The following CSMD1 variants were observed in gnomAD, a reference collection of about 807,000 sequenced individuals.
CSMD1 encodes the protein CUB and Sushi multiple domains 1.
A neutral mutation model predicts 417.5 loss-of-function variants in CSMD1; 213 were observed. That is an observed-to-expected ratio of 0.51 (90% CI 0.46 to 0.57). The LOEUF is 0.57. Among genes scored for constraint, CSMD1 ranks in the 20% least tolerant of loss-of-function variants. The pLI, the probability that CSMD1 is intolerant of heterozygous loss-of-function variation, is 0.00. For missense variants in CSMD1, 6,923 were observed against 4,529.7 expected, an observed-to-expected ratio of 1.53 and a Z score of -15.17; for synonymous variants, 2,862 against 1,736.8, an observed-to-expected ratio of 1.65 and a Z score of -16.11.
At chr8:4,678,854 C>G (rs1170311116) in intron 1 of CSMD1, among the ~76,000 whole-genome samples, 1 of 152,100 alleles carries the variant, frequency 6.6e-6, no homozygotes, top group African/African-American at 2.4e-5. Flanking sequence ...CAGTCACTGC[C>G]CAGTAACTGA....
At chr8:3,472,529 C>A (rs1482518159) in intron 11 of CSMD1, among the ~76,000 whole-genome samples, 2 of 152,146 alleles carry the variant, frequency 1.3e-5, no homozygotes, top group Admixed American at 1.3e-4. Flanking sequence ...CATCCACTCT[C>A]TATCTTCCTG....
chr8:3,849,600 G>C (rs1431307837), intron 5 of CSMD1, among the ~76,000 whole-genome samples: 2 of 152,182 alleles, frequency 1.3e-5, no homozygotes, highest in Non-Finnish European at 1.5e-5. Context: ...GAAAAGAACA[G>C]TGATTCCTGG....
At chr8:3,262,184 AATATATATATATATATATATAT>A (rs201972449) in intron 26 of CSMD1, among the ~76,000 whole-genome samples, 11,823 of 63,174 alleles carry the variant, frequency 0.19, 952 homozygotes, top group Non-Finnish European at 0.24. Context: ...TGCTCATATG[AATATATATATATATATATATAT>A]ATATATATAT....
intron 12 of CSMD1, among the ~76,000 whole-genome samples, chr8:3,452,384 T>G (rs189031334): frequency 6.6e-6 from 1 of 152,226 alleles, no homozygotes; most frequent in Non-Finnish European, 1.5e-5. Flanking sequence ...AGGGCACTCC[T>G]GTCTTGTGCC....
chr8:3,717,503 A>G (rs1353372560), intron 6 of CSMD1, among the ~76,000 whole-genome samples: 1 of 152,190 alleles, frequency 6.6e-6, no homozygotes, highest in East Asian at 1.9e-4. Flanking sequence ...TTCAGCTAAA[A>G]ACAGGGTCCT....
At chr8:3,094,187 C>T (rs1169706464) in intron 47 of CSMD1, among the ~76,000 whole-genome samples, 4 of 151,906 alleles carry the variant, frequency 2.6e-5, no homozygotes, top group African/African-American at 9.7e-5. Context: ...CTCTCTGCAA[C>T]CTTTGCCTCC....
intron 1 of CSMD1, among the ~76,000 whole-genome samples, chr8:4,708,915 G>A (rs1808114831): frequency 6.6e-6 from 1 of 152,130 alleles, no homozygotes; most frequent in African/African-American, 2.4e-5. Flanking sequence ...AGCAAATACA[G>A]GAAGGTGGTC....
At chr8:3,538,053 A>ACCTGATGGTCAATGACCCGAT (rs1299304299) in intron 10 of CSMD1, among the ~76,000 whole-genome samples, 16 of 152,324 alleles carry the variant, frequency 1.1e-4, no homozygotes, top group Non-Finnish European at 2.1e-4. Context: ...GATGTGCAGA[A>ACCTGATGGTCAATGACCCGAT]CCTGATGGTC....
At chr8:4,008,693 C>A (rs1816324057) in intron 4 of CSMD1, among the ~76,000 whole-genome samples, 2 of 147,560 alleles carry the variant, frequency 1.4e-5, no homozygotes, top group African/African-American at 5.1e-5. Context: ...TAACTGCAAG[C>A]TCCCCATCCC....
At chr8:3,769,359 A>G (rs981686285) in intron 5 of CSMD1, among the ~76,000 whole-genome samples, 3 of 151,978 alleles carry the variant, frequency 2.0e-5, no homozygotes, top group Admixed American at 6.6e-5. Context: ...ACCAAATTAG[A>G]TAACAATATC....
At chr8:3,187,194 C>G (rs1796108129) in intron 36 of CSMD1, among the ~76,000 whole-genome samples, 1 of 152,122 alleles carries the variant, frequency 6.6e-6, no homozygotes, top group Admixed American at 6.5e-5. Flanking sequence ...AGTTTGAGTC[C>G]TAATGCTATT....
intron 3 of CSMD1, among the ~76,000 whole-genome samples, chr8:4,167,456 T>C (rs908375459): frequency 1.4e-4 from 21 of 152,156 alleles, no homozygotes; most frequent in African/African-American, 5.1e-4. Context: ...TGGAATAGAA[T>C]GACGGTGGCT....
intron 42 of CSMD1, among the ~76,000 whole-genome samples, chr8:3,111,714 C>T (rs748655127): frequency 6.6e-5 from 10 of 152,142 alleles, no homozygotes; most frequent in Admixed American, 3.3e-4. Context: ...CGCCTGTAAT[C>T]CCAAGTACTT....
At chr8:4,130,596 T>A (rs894111416) in intron 3 of CSMD1, among the ~76,000 whole-genome samples, 8 of 152,292 alleles carry the variant, frequency 5.3e-5, no homozygotes, top group Non-Finnish European at 8.8e-5. Flanking sequence ...CTTGCAAAAT[T>A]GTATTACGCT....
chr8:3,288,696 C>G (rs868040586), intron 25 of CSMD1, among the ~76,000 whole-genome samples: 1 of 146,760 alleles, frequency 6.8e-6, no homozygotes, highest in Non-Finnish European at 1.5e-5. Context: ...CTCTTTTCTT[C>G]TTTATTTTTC....
At chr8:3,825,687 T>G (rs547613794) in intron 5 of CSMD1, among the ~76,000 whole-genome samples, 1 of 151,954 alleles carries the variant, frequency 6.6e-6, no homozygotes, top group Non-Finnish European at 1.5e-5. Flanking sequence ...GCTCAAGAGC[T>G]CCCTCAAAGA....
chr8:4,027,708 C>T (rs1158139855), intron 4 of CSMD1, among the ~76,000 whole-genome samples: 1 of 152,098 alleles, frequency 6.6e-6, no homozygotes. Flanking sequence ...ACATTTTAGA[C>T]ATGGGGGCCC....
chr8:4,064,579 G>C (rs7831271), intron 3 of CSMD1, among the ~76,000 whole-genome samples: 10,298 of 152,240 alleles, frequency 0.068, 408 homozygotes, highest in Non-Finnish European at 0.089. Context: ...CTTCCACCCT[G>C]TCATACAACT....
At chr8:3,707,263 T>TA (rs1423881046) in intron 7 of CSMD1, among the ~76,000 whole-genome samples, 1 of 152,084 alleles carries the variant, frequency 6.6e-6, no homozygotes, top group African/African-American at 2.4e-5. Flanking sequence ...TTGTTGCATA[T>TA]AAAACCTCAT....
Sources: allele counts gnomAD v4.1 joint callset (sites outside exome capture counted in the v4.1 genomes callset), GRCh38; gene constraint gnomAD v4.1.1; transcripts MANE v1.5; gene names NCBI Gene and HGNC (gene_info 2026-07-23, HGNC 2026-07-21).